HTD2: variants seen among roughly 807,000 people sequenced by gnomAD.
The protein encoded by HTD2 is hydroxyacyl-thioester dehydratase type 2, mitochondrial.
HTD2 carries 1 observed loss-of-function variant against 3.1 expected under a neutral mutation model. The observed-to-expected ratio is 0.32, with a 90% CI of 0.11 to 1.52. The LOEUF (loss-of-function observed/expected upper bound fraction) is 1.52, where lower values mean the gene tolerates loss of function less well. Ranked by LOEUF, HTD2 falls within the 40% of genes most tolerant of loss-of-function variation. HTD2 has a pLI of 0.39. For synonymous variants in HTD2, 50 were observed against 28.9 expected, an observed-to-expected ratio of 1.73 and a Z score of -2.34; for missense variants, 150 against 79.6, an observed-to-expected ratio of 1.88 and a Z score of -3.36.
chr3:58,309,611 G>C (rs1322881983), intron 1 of HTD2, among the ~76,000 whole-genome samples: 3 of 152,186 alleles, frequency 2.0e-5, no homozygotes, highest in Non-Finnish European at 4.4e-5. Flanking sequence ...CAAACAGGAG[G>C]CCAGGCACAG....
At chr3:58,309,073 A>G (rs923280534) in intron 1 of HTD2, among the ~76,000 whole-genome samples, 1 of 152,230 alleles carries the variant, frequency 6.6e-6, no homozygotes, top group Non-Finnish European at 1.5e-5. Flanking sequence ...GTTCACAGAT[A>G]GTCTTGCACA....
rs1262318877 is a variant in HTD2, at chr3:58,318,158, C to CTG, written c.*40_*41dup. 2 of 615,062 alleles carry CTG rather than the reference C, an allele frequency of 3.3e-6. No individual in the cohort carries two copies. Among genetic ancestry groups the CTG allele is most frequent in the African/African-American group, 3.7e-5 (2 of 54,134 alleles). The allele number at this position is 615,062 out of a possible 1,614,324, so 38.1% of individuals were successfully genotyped here. On this transcript the variant is annotated 3_prime_UTR_variant, in exon 5 of 5. Transcript: ENST00000461393. ...AAAGATGCAACCTCAAACACCAATGCTGTTGTTAAAGAGCCTATGGGGAAT... is the reference window on the plus strand; with the variant it reads ...AAAGATGCAACCTCAAACACCAATGCTGTGTTGTTAAAGAGCCTATGGGGAAT...
At chr3:58,313,125 G>C (rs1251207829) in intron 2 of HTD2, among the ~76,000 whole-genome samples, 2 of 151,878 alleles carry the variant, frequency 1.3e-5, no homozygotes, top group East Asian at 3.9e-4. Context: ...CGGGCGCAGC[G>C]GCGGGCACCT....
In HTD2 at chr3:58,316,918, T is replaced by G; in HGVS notation, c.-250T>G. On this transcript the variant is annotated 5_prime_UTR_variant, in exon 4 of 5. Transcript: ENST00000461393. ...TATTTTCTTGATCTTTCTGCAGTGG[T>G]CTTGTCAAATTGTGGAGCTCTTTGA... 6.2e-7 allele frequency: 1 copy of G among 1,613,084 alleles called. No homozygotes were observed. Among genetic ancestry groups the G allele is most frequent in the Non-Finnish European group, 8.5e-7 (1 of 1,179,298 alleles).
chr3:58,312,334 A>ACCCC lies in HTD2; in HGVS notation c.-331+1749_-331+1752dup, dbSNP rs76719108. 0.025 allele frequency among the ~76,000 whole-genome samples: 1,764 copies of ACCCC among 69,496 alleles called. 63 individuals carry two copies. The East Asian group carries it at 0.28, about 11-fold the overall frequency. The allele number at this position is 69,496 out of a possible 152,430, so 45.6% of individuals were successfully genotyped here. A position where few individuals can be genotyped will look rare whatever the true frequency, so the allele number is the denominator to read the frequency against. On this transcript the variant is annotated intron_variant, in intron 2 of 4. Coordinates refer to ENST00000461393, the MANE Select transcript of HTD2 (RefSeq NM_001348712.2). ...TGGAGTGCAGTGGCACAACCTCCGCACCCCCCCCCGCCCCTCCCGGATTCA... is the reference window on the plus strand; with the variant it reads ...TGGAGTGCAGTGGCACAACCTCCGCACCCCCCCCCCCCCGCCCCTCCCGGATTCA...
chr3:58,316,778 C>G (rs375391430), intron 3 of HTD2, 137 bp from the exon 4 acceptor site: 5 of 886,502 alleles, frequency 5.6e-6, no homozygotes, highest in South Asian at 3.3e-5. Flanking sequence ...GCAAAACTTA[C>G]GATTTGGTTA....
intron 1 of HTD2, among the ~76,000 whole-genome samples, chr3:58,307,490 C>T (rs2097476758): frequency 6.6e-6 from 1 of 152,134 alleles, no homozygotes; most frequent in African/African-American, 2.4e-5. Flanking sequence ...TTGAGGGGGC[C>T]GAGGTCGGCG....
intron 1 of HTD2, among the ~76,000 whole-genome samples, chr3:58,308,901 A>G (rs1054079132): frequency 1.3e-5 from 2 of 152,382 alleles, no homozygotes; most frequent in South Asian, 4.1e-4. Flanking sequence ...AATAGGACCT[A>G]TCCAGAGGGA....
At chr3:58,308,288 G>T (rs1251075328) in intron 1 of HTD2, among the ~76,000 whole-genome samples, 1 of 151,826 alleles carries the variant, frequency 6.6e-6, no homozygotes, top group Non-Finnish European at 1.5e-5. Flanking sequence ...AGTATTTTTT[G>T]TTTGTTTGTT....
chr3:58,314,006 T>C (rs1188459296), intron 2 of HTD2, among the ~76,000 whole-genome samples: 1 of 152,190 alleles, frequency 6.6e-6, no homozygotes, highest in Non-Finnish European at 1.5e-5. Context: ...TGGTAAACTA[T>C]GATTGCACTA....
rs1243200815 is a variant in HTD2 at position 58,318,148 on chromosome 3, A to G, written c.*28A>G. The G allele has an allele frequency of 3.2e-6, 2 of 620,332 alleles. No individual in the cohort carries two copies. Among genetic ancestry groups the G allele is most frequent in the Admixed American group, 2.9e-5 (1 of 34,980 alleles). The allele number at this position is 620,332 out of a possible 1,614,324, so 38.4% of individuals were successfully genotyped here. ...TAGATGTTTTAAAGATGCAACCTCA[A>G]ACACCAATGCTGTTGTTAAAGAGCC... On this transcript the variant is annotated 3_prime_UTR_variant, in exon 5 of 5. Coordinates refer to ENST00000461393, the MANE Select transcript of HTD2 (RefSeq NM_001348712.2).
chr3:58,319,632 T>TAAAA lies in HTD2; in HGVS notation c.*1522_*1525dup, dbSNP rs59047521. Reference sequence around the variant, plus strand: ...TATTATGAGTAATACATGCTTATAGTAAAAAAAAAAAAATTGTAAGAAATA... The same window carrying TAAAA: ...TATTATGAGTAATACATGCTTATAGTAAAAAAAAAAAAAAAAATTGTAAGAAATA... On this transcript the variant is annotated 3_prime_UTR_variant, in exon 5 of 5. Coordinates refer to ENST00000461393, the MANE Select transcript of HTD2 (RefSeq NM_001348712.2). The TAAAA allele has an allele frequency of 2.5e-4, 38 of 149,308 alleles. No homozygotes were observed. Among genetic ancestry groups the TAAAA allele is most frequent in the African/African-American group, 9.3e-4 (38 of 40,698 alleles). 9.2% of individuals were successfully genotyped at this position (149,308 alleles called of 1,614,324 possible).
At chr3:58,317,058 A>T (rs962169221) in intron 4 of HTD2, 65 bp downstream of exon 4, 1 of 1,136,424 alleles carries the variant, frequency 8.8e-7, no homozygotes, top group Non-Finnish European at 1.3e-6. Context: ...TTCTTAATAT[A>T]CACAACTCAT....
intron 4 of HTD2, 119 bp from the exon 5 acceptor site, chr3:58,317,321 C>T: frequency 1.5e-6 from 1 of 673,934 alleles, no homozygotes; most frequent in South Asian, 1.9e-5. Flanking sequence ...TCTCAGGATG[C>T]TCTGTAAAAT....
chr3:58,316,350 C>A, intron 2 of HTD2, 165 bp from the exon 3 acceptor site: 3 of 615,640 alleles, frequency 4.9e-6, no homozygotes, highest in Non-Finnish European at 8.7e-6. Context: ...GCAGAACATT[C>A]TAGGCAGGGG....
rs1183728441 is a variant in HTD2, at chr3:58,312,014, A to AG, written c.-331+1425dup. ...CAGTATCCCGAGTAGCTGGGACCAC[A>AG]GGCGTGTGCCACCACGCCAATTTTT... On this transcript the variant is annotated intron_variant, in intron 2 of 4. Transcript: ENST00000461393. Among the ~76,000 whole-genome samples the AG allele has an allele frequency of 3.3e-5, 5 of 152,268 alleles. No homozygotes were observed. The East Asian group carries it at 5.8e-4, about 18-fold the overall frequency.
At chr3:58,310,211 C>A (rs2097480602) in intron 1 of HTD2, 1 of 795,176 alleles carries the variant, frequency 1.3e-6, no homozygotes, top group Non-Finnish European at 2.1e-6. Context: ...TGCCTTAAAA[C>A]AAACAAACAA....
At chr3:58,312,228 G>T (rs1427) in intron 2 of HTD2, among the ~76,000 whole-genome samples, 6,126 of 152,086 alleles carry the variant, frequency 0.04, 187 homozygotes, top group Non-Finnish European at 0.059. Flanking sequence ...CCAGTAGTGT[G>T]TGAGGGTTCC....
intron 2 of HTD2, among the ~76,000 whole-genome samples, chr3:58,312,552 C>T (rs1298734062): frequency 6.6e-6 from 1 of 152,120 alleles, no homozygotes; most frequent in South Asian, 2.1e-4. Context: ...ACACGTTAGA[C>T]AAATGATTGT....
Sources: gnomAD v4.1 joint callset for allele counts (sites outside exome capture counted in the v4.1 genomes callset) on GRCh38, gnomAD v4.1.1 for gene constraint, MANE v1.5 for transcripts, NCBI Gene and HGNC (gene_info 2026-07-23, HGNC 2026-07-21) for gene names.